The following ZNF385D variants were observed in gnomAD, a reference collection of about 807,000 sequenced individuals.
ZNF385D encodes the protein zinc finger protein 385D, also known as zinc finger protein 659.
Under a neutral mutation model 35.8 loss-of-function variants are expected in ZNF385D, and 15 were observed. That is an observed-to-expected ratio of 0.42 (90% CI 0.28 to 0.64). The LOEUF is 0.64. Ranked by LOEUF, ZNF385D falls within the 30% of genes least tolerant of loss-of-function variation. The probability of loss-of-function intolerance (pLI) is 0.23; values close to 1 mark genes in which losing one functional copy is unlikely to be tolerated. For missense variants in ZNF385D, 474 were observed against 494.6 expected (o/e 0.96, Z 0.39); for synonymous variants, 212 against 186.8 (o/e 1.13, Z -1.10).
intron 3 of ZNF385D, among the ~76,000 whole-genome samples, chr3:21,798,777 T>TTA (rs2072267546): frequency 6.6e-6 from 1 of 152,156 alleles, no homozygotes; most frequent in East Asian, 1.9e-4. Context: ...GGGGGCTACT[T>TTA]TAGAATTCTC....
chr3:21,945,137 T>TGTGTATGTATGTATATATAC (rs1288408875), intron 3 of ZNF385D, among the ~76,000 whole-genome samples: 1 of 108,950 alleles, frequency 9.2e-6, no homozygotes, highest in African/African-American at 3.8e-5. Flanking sequence ...TGTATATATA[T>TGTGTATGTATGTATATATAC]GTATATGCAT....
chr3:21,624,716 C>T (rs1183607801), intron 2 of ZNF385D, among the ~76,000 whole-genome samples: 2 of 152,044 alleles, frequency 1.3e-5, no homozygotes, highest in African/African-American at 4.8e-5. Flanking sequence ...AGCATGCAGA[C>T]TTAGTGCCAG....
At chr3:22,070,988 A>T (rs1389187678) in intron 3 of ZNF385D, among the ~76,000 whole-genome samples, 1 of 152,132 alleles carries the variant, frequency 6.6e-6, no homozygotes, top group Non-Finnish European at 1.5e-5. Context: ...CAGTCTGCCA[A>T]AATTGAAAGA....
rs531211575 is a variant in ZNF385D, at chr3:22,321,369, A to C, written c.106+51081T>G. Among the ~76,000 whole-genome samples the C allele has an allele frequency of 3.6e-3, 552 of 151,892 alleles. 4 individuals carry two copies. Among genetic ancestry groups the C allele is most frequent in the African/African-American group, 0.011 (469 of 41,444 alleles). On this transcript the variant is annotated intron_variant, in intron 2 of 5. Coordinates refer to the ZNF385D transcript ENST00000494108. The stretch of plus-strand genomic sequence containing the variant: ...ATATGTGTGTACTTTTTTTAAAAAA[A>C]ATTATTTATTTTTGAGATGGAGTTT...
In ZNF385D at chr3:21,666,873, T is replaced by G. The variant is rs140070534; in HGVS notation, c.23-1845A>C. On this transcript the variant is annotated intron_variant, in intron 1 of 7. Transcript: ENST00000281523. ...CGGATGGATCACTTGAAGTCAGGAG[T>G]TCAAGACCAGCCTGGCTAACACGGC... Among the ~76,000 whole-genome samples, 1,292 of 150,922 alleles carry G rather than the reference T, an allele frequency of 8.6e-3. 20 individuals are homozygous for G. The highest frequency in any genetic ancestry group is 0.031 in the African/African-American group (1,255 of 41,086).
intron 2 of ZNF385D, among the ~76,000 whole-genome samples, chr3:21,652,132 A>T (rs1296511137): frequency 2.0e-5 from 3 of 152,202 alleles, no homozygotes; most frequent in Non-Finnish European, 4.4e-5. Flanking sequence ...TTAATAGGTA[A>T]ATTTAAATTG....
At chr3:21,968,896 G>T (rs984775552) in intron 3 of ZNF385D, among the ~76,000 whole-genome samples, 2 of 152,186 alleles carry the variant, frequency 1.3e-5, no homozygotes, top group Non-Finnish European at 2.9e-5. Context: ...GGCCACAGTG[G>T]TGTGGAGTAC....
intron 2 of ZNF385D, among the ~76,000 whole-genome samples, chr3:21,650,781 T>C (rs1274708444): frequency 6.6e-6 from 1 of 152,188 alleles, no homozygotes; most frequent in Non-Finnish European, 1.5e-5. Context: ...CTCATCATTT[T>C]GGACTAACAG....
rs1553617403 is a variant in ZNF385D at position 21,583,951 on chromosome 3, C to CTTACTTATTTAT, written c.166-19268_166-19267insATAAATAAGTAA. On this transcript the variant is annotated intron_variant, in intron 2 of 7. Coordinates refer to ENST00000281523, the MANE Select transcript of ZNF385D (RefSeq NM_024697.3). ...TATACTTACACATGTATTTATTTTA[C>CTTACTTATTTAT]TTATTTACTTATTTATTTATTTATT... Among the ~76,000 whole-genome samples, 45 of 132,932 alleles carry CTTACTTATTTAT rather than the reference C, an allele frequency of 3.4e-4. 1 individual carries two copies. Among genetic ancestry groups the CTTACTTATTTAT allele is most frequent in the East Asian group, 2.9e-3 (14 of 4,804 alleles). The allele number at this position is 132,932 out of a possible 152,430, so 87.2% of individuals were successfully genotyped here. A position where few individuals can be genotyped will look rare whatever the true frequency, so the allele number is the denominator to read the frequency against.
At chr3:21,547,951 G>A (rs1229820883) in intron 3 of ZNF385D, among the ~76,000 whole-genome samples, 1 of 152,060 alleles carries the variant, frequency 6.6e-6, no homozygotes, top group Non-Finnish European at 1.5e-5. Context: ...CAGCCAGGTG[G>A]GAGGGGGTCC....
At chr3:22,117,741 C>T (rs985343515) in intron 3 of ZNF385D, among the ~76,000 whole-genome samples, 4 of 151,848 alleles carry the variant, frequency 2.6e-5, no homozygotes, top group African/African-American at 7.3e-5. Context: ...AAAGTATTTA[C>T]ATGAAAGGAT....
intron 3 of ZNF385D, among the ~76,000 whole-genome samples, chr3:22,149,162 T>C (rs1367855156): frequency 6.6e-6 from 1 of 152,158 alleles, no homozygotes; most frequent in East Asian, 1.9e-4. Context: ...GACCCCCGGC[T>C]GATTTGTATG....
intron 3 of ZNF385D, among the ~76,000 whole-genome samples, chr3:21,913,254 C>A (rs1263786976): frequency 6.6e-6 from 1 of 152,072 alleles, no homozygotes; most frequent in African/African-American, 2.4e-5. Flanking sequence ...TGCTGCAATG[C>A]GTGTTAACTA....
At chr3:21,461,379 C>T (rs1575187060) in intron 4 of ZNF385D, among the ~76,000 whole-genome samples, 1 of 152,158 alleles carries the variant, frequency 6.6e-6, no homozygotes, top group East Asian at 1.9e-4. Context: ...GAAACCCTGT[C>T]TCTACTAAAA....
intron 2 of ZNF385D, among the ~76,000 whole-genome samples, chr3:22,314,480 T>C (rs34974527): frequency 0.18 from 27,910 of 152,048 alleles, 3,323 homozygotes; most frequent in Non-Finnish European, 0.25. Flanking sequence ...TAGTATTCCA[T>C]CATATATATA....
chr3:21,742,104 C>A (rs2069543093), intron 1 of ZNF385D, among the ~76,000 whole-genome samples: 1 of 152,214 alleles, frequency 6.6e-6, no homozygotes, highest in African/African-American at 2.4e-5. Flanking sequence ...GCTTTTCACA[C>A]CTTCATAACA....
At chr3:21,911,350 T>C (rs144007826) in intron 3 of ZNF385D, among the ~76,000 whole-genome samples, 192 of 152,058 alleles carry the variant, frequency 1.3e-3, no homozygotes, top group African/African-American at 4.3e-3. Flanking sequence ...GAATGTAAAG[T>C]GTTTTGTAGA....
chr3:21,874,040 A>G (rs1697834508), intron 3 of ZNF385D, among the ~76,000 whole-genome samples: 1 of 151,170 alleles, frequency 6.6e-6, no homozygotes, highest in South Asian at 2.1e-4. Flanking sequence ...TGGTAGTTCT[A>G]TTTTTAACTA....
intron 3 of ZNF385D, among the ~76,000 whole-genome samples, chr3:21,987,577 C>A (rs1288823719): frequency 3.3e-4 from 43 of 128,410 alleles, no homozygotes; most frequent in Non-Finnish European, 5.6e-4. Context: ...GGTAACCCGA[C>A]CTTTCTCTCT....
Sources: gnomAD v4.1 joint callset for allele counts (sites outside exome capture counted in the v4.1 genomes callset) on GRCh38, gnomAD v4.1.1 for gene constraint, MANE v1.5 for transcripts, NCBI Gene and HGNC (gene_info 2026-07-23, HGNC 2026-07-21) for gene names.